The following SLCO5A1 variants were observed in gnomAD, a reference collection of about 807,000 sequenced individuals.
SLCO5A1 encodes the protein organic anion transporter polypeptide-related protein 4.
Under a neutral mutation model 65.1 loss-of-function variants are expected in SLCO5A1, and 39 were observed. The observed-to-expected ratio is 0.60, with a 90% confidence interval of 0.46 to 0.78. The LOEUF (loss-of-function observed/expected upper bound fraction) is 0.78. Among genes scored for constraint, SLCO5A1 ranks in the 30% least tolerant of loss-of-function variants. SLCO5A1 has a pLI of 0.00. For synonymous variants in SLCO5A1, 438 were observed against 415.7 expected (o/e 1.05, Z -0.65); for missense variants, 1,029 against 1,069.4 (o/e 0.96, Z 0.53).
intron 2 of SLCO5A1, among the ~76,000 whole-genome samples, chr8:69,765,696 C>T (rs761423194): frequency 2.3e-4 from 35 of 152,208 alleles, no homozygotes; most frequent in Non-Finnish European, 3.1e-4. Flanking sequence ...CAGGACAAAC[C>T]GGCCTCCTGC....
chr8:69,720,213 A>G (rs1359738429), intron 5 of SLCO5A1, among the ~76,000 whole-genome samples: 3 of 152,228 alleles, frequency 2.0e-5, no homozygotes, highest in Non-Finnish European at 4.4e-5. Flanking sequence ...TAAGAAGTAA[A>G]TGCAATAAAT....
intron 2 of SLCO5A1, among the ~76,000 whole-genome samples, chr8:69,769,896 T>C (rs2130872352): frequency 6.6e-6 from 1 of 152,310 alleles, no homozygotes; most frequent in South Asian, 2.1e-4. Flanking sequence ...ATAAGATGGA[T>C]TTATTTAGGG....
At chr8:69,748,946 T>G (rs1817158147) in intron 4 of SLCO5A1, among the ~76,000 whole-genome samples, 1 of 152,158 alleles carries the variant, frequency 6.6e-6, no homozygotes. Flanking sequence ...TAAAGGGCAC[T>G]GAGCAACCAT....
chr8:69,737,889 C>T, intron 5 of SLCO5A1, 151 bp downstream of exon 5: 1 of 729,612 alleles, frequency 1.4e-6, no homozygotes, highest in Non-Finnish European at 2.1e-6. Flanking sequence ...GAACACTTTC[C>T]AGGATTTCCT....
intron 4 of SLCO5A1, among the ~76,000 whole-genome samples, chr8:69,749,103 G>A (rs991497382): frequency 6.6e-6 from 1 of 152,160 alleles, no homozygotes; most frequent in Non-Finnish European, 1.5e-5. Flanking sequence ...TCTTTGCTGC[G>A]TCAAAAACTG....
chr8:69,715,937 C>T (rs536954372), intron 5 of SLCO5A1, among the ~76,000 whole-genome samples: 1 of 152,044 alleles, frequency 6.6e-6, no homozygotes, highest in Admixed American at 6.6e-5. Flanking sequence ...ATTTTCATCG[C>T]CCTAAAAAGA....
chr8:69,773,019 A>C, intron 2 of SLCO5A1: 11 of 944,256 alleles, frequency 1.2e-5, no homozygotes, highest in African/African-American at 1.8e-5. Flanking sequence ...GGGAGGGAGG[A>C]CAGAGAAGGC....
At chr8:69,695,111 C>A (rs1187596233) in intron 6 of SLCO5A1, among the ~76,000 whole-genome samples, 1 of 152,172 alleles carries the variant, frequency 6.6e-6, no homozygotes, top group Non-Finnish European at 1.5e-5. Context: ...ATACAAAGTG[C>A]TAGATTCTGT....
At position 69,671,890 on chromosome 8, in the gene SLCO5A1, AAAAG is replaced by A. The variant is rs1813341005; in HGVS notation, c.*975_*978del. The stretch of plus-strand genomic sequence containing the variant: ...ACCACAGCAATTTTCTGTCCAGAAA[AAAAG>A]AAAACCACACAGATTTGCCAGTGCT... On this transcript the variant is annotated 3_prime_UTR_variant, in exon 10 of 10. Coordinates refer to ENST00000260126, the MANE Select transcript of SLCO5A1 (RefSeq NM_030958.3). 2 of 152,216 alleles carry A rather than the reference AAAAG, an allele frequency of 1.3e-5. No homozygotes were observed. Among genetic ancestry groups the A allele is most frequent in the Non-Finnish European group, 2.9e-5 (2 of 68,034 alleles). 9.4% of individuals were successfully genotyped at this position (152,216 alleles called of 1,614,324 possible). A position where few individuals can be genotyped will look rare whatever the true frequency, so the allele number is the denominator to read the frequency against.
chr8:69,736,558 A>G (rs562972546), intron 5 of SLCO5A1, among the ~76,000 whole-genome samples: 1 of 152,294 alleles, frequency 6.6e-6, no homozygotes, highest in South Asian at 2.1e-4. Context: ...ATCCTGGGGA[A>G]CACTGTTTAT....
chr8:69,705,079 C>A lies in SLCO5A1; in HGVS notation c.1574G>T (p.Gly525Val). The A allele has an allele frequency of 6.2e-7, 1 of 1,613,970 alleles. No homozygotes were observed. The highest frequency in any genetic ancestry group is 8.5e-7 in the Non-Finnish European group (1 of 1,180,044). ...LLCFSTLFIV[G>V]CESINLGGIN... ...GCCCCCTAGATTAATGCTTTCACAT[C>A]CAACAATAAATAGGGTTGAAAAACA... The change falls in exon 6 of 10, where the codon GGA becomes GTA. Residue 525 changes from glycine (G) to valine (V), a missense_variant. Gly to Val is a moderately radical substitution (Grantham distance 109). Coordinates refer to ENST00000260126, the MANE Select transcript of SLCO5A1 (RefSeq NM_030958.3).
intron 6 of SLCO5A1, among the ~76,000 whole-genome samples, chr8:69,704,233 T>C (rs969315672): frequency 3.3e-5 from 5 of 152,220 alleles, no homozygotes; most frequent in Non-Finnish European, 1.5e-5. Context: ...TTTAAACATT[T>C]GTCAGCAGTC....
intron 6 of SLCO5A1, among the ~76,000 whole-genome samples, chr8:69,684,284 A>G (rs1303152428): frequency 6.6e-6 from 1 of 152,108 alleles, no homozygotes; most frequent in African/African-American, 2.4e-5. Flanking sequence ...AGTTCTCACA[A>G]CTGAGGGGGT....
intron 2 of SLCO5A1, among the ~76,000 whole-genome samples, chr8:69,827,150 G>A (rs1234084569): frequency 8.5e-6 from 1 of 118,254 alleles, no homozygotes; most frequent in Non-Finnish European, 1.7e-5. Context: ...ACTGTTGTGG[G>A]GTGGGGGGAG....
At chr8:69,719,211 G>A (rs1052392793) in intron 5 of SLCO5A1, among the ~76,000 whole-genome samples, 4 of 152,144 alleles carry the variant, frequency 2.6e-5, no homozygotes, top group African/African-American at 7.2e-5. Context: ...AGTGACAGAC[G>A]GGTTGAAAAT....
intron 2 of SLCO5A1, among the ~76,000 whole-genome samples, chr8:69,789,654 A>T (rs538313335): frequency 2.7e-4 from 41 of 152,298 alleles, no homozygotes; most frequent in African/African-American, 8.9e-4. Context: ...ATTGTATGTC[A>T]GGGTTTTTTG....
intron 2 of SLCO5A1, among the ~76,000 whole-genome samples, chr8:69,799,406 A>T (rs984692112): frequency 2.6e-5 from 4 of 152,106 alleles, no homozygotes; most frequent in African/African-American, 9.7e-5. Context: ...ATTTTTTTTC[A>T]TGCTTTTAGA....
In SLCO5A1 at chr8:69,764,024, C is replaced by T. The variant is rs184922681; in HGVS notation, c.908-2149G>A. On this transcript the variant is annotated intron_variant, in intron 2 of 9. Transcript: ENST00000260126. ...GGATTACAGGCACCTGCCATCGCACCGGGCTAATTTTTGTATTTTTAGTAG... is the reference window on the plus strand; with the variant it reads ...GGATTACAGGCACCTGCCATCGCACTGGGCTAATTTTTGTATTTTTAGTAG... Among the ~76,000 whole-genome samples the T allele has an allele frequency of 1.7e-3, 266 of 152,236 alleles. 1 individual carries two copies. Among genetic ancestry groups the T allele is most frequent in the African/African-American group, 6.2e-3 (257 of 41,524 alleles).
chr8:69,770,158 G>A (rs772103703), intron 2 of SLCO5A1, among the ~76,000 whole-genome samples: 6 of 152,000 alleles, frequency 3.9e-5, no homozygotes, highest in Non-Finnish European at 8.8e-5. Flanking sequence ...ATGTCTAAAT[G>A]GTGCCTCATC....
Sources: gnomAD v4.1 joint callset for allele counts (sites outside exome capture counted in the v4.1 genomes callset) on GRCh38, gnomAD v4.1.1 for gene constraint, MANE v1.5 for transcripts, NCBI Gene and HGNC (gene_info 2026-07-23, HGNC 2026-07-21) for gene names.